Variants in BMP5 observed in about 807,000 individuals in gnomAD.
BMP5 encodes bone morphogenetic protein 5.
A neutral mutation model predicts 46.6 loss-of-function variants in BMP5; 23 were observed. The observed-to-expected ratio is 0.49, with a 90% confidence interval of 0.35 to 0.70. The LOEUF (loss-of-function observed/expected upper bound fraction) is 0.70. BMP5 is among the 30% of genes least tolerant of loss of function. The pLI, the probability that BMP5 is intolerant of heterozygous loss-of-function variation, is 0.00. For missense variants in BMP5, 545 were observed against 565.6 expected, an observed-to-expected ratio of 0.96 and a Z score of 0.37; for synonymous variants, 204 against 191.9, an observed-to-expected ratio of 1.06 and a Z score of -0.52.
intron 1 of BMP5, 49 bp from the exon 2 acceptor site, chr6:55,819,896 A>G: frequency 7.0e-7 from 1 of 1,431,250 alleles, no homozygotes; most frequent in Non-Finnish European, 9.8e-7. Context: ...TCTTTTATAA[A>G]ATATGGAAAT....
At chr6:55,837,301 A>T (rs1433491914) in intron 1 of BMP5, among the ~76,000 whole-genome samples, 1 of 151,878 alleles carries the variant, frequency 6.6e-6, no homozygotes. Flanking sequence ...CAGTGAAAGA[A>T]AAAAATGACT....
chr6:55,793,229 ATCACCACAG>A (rs1775617259), intron 3 of BMP5, among the ~76,000 whole-genome samples: 1 of 152,146 alleles, frequency 6.6e-6, no homozygotes. Context: ...CAGTATCACC[ATCACCACAG>A]TCTGCAAATT....
chr6:55,859,178 C>G (rs1309477127), intron 1 of BMP5, among the ~76,000 whole-genome samples: 3 of 152,094 alleles, frequency 2.0e-5, no homozygotes, highest in Non-Finnish European at 4.4e-5. Context: ...AGTGATTTAG[C>G]AGTGATATTG....
intron 3 of BMP5, among the ~76,000 whole-genome samples, chr6:55,777,048 T>C (rs1249222305): frequency 6.6e-6 from 1 of 151,932 alleles, no homozygotes; most frequent in East Asian, 1.9e-4. Flanking sequence ...TTCCTCTTGG[T>C]TTCCTTTTTA....
intron 1 of BMP5, among the ~76,000 whole-genome samples, chr6:55,825,054 G>A (rs534845008): frequency 6.6e-6 from 1 of 151,726 alleles, no homozygotes; most frequent in African/African-American, 2.4e-5. Flanking sequence ...TCAACATAGG[G>A]TTGTTTATTT....
At chr6:55,764,463 C>T (rs1042581177) in intron 4 of BMP5, among the ~76,000 whole-genome samples, 2 of 151,764 alleles carry the variant, frequency 1.3e-5, no homozygotes, top group Non-Finnish European at 2.9e-5. Context: ...GTCCCAGCTA[C>T]TCAGGAGGCT....
intron 3 of BMP5, among the ~76,000 whole-genome samples, chr6:55,780,471 A>AAAAG: frequency 9.5e-6 from 1 of 105,670 alleles, no homozygotes; most frequent in South Asian, 3.4e-4. Context: ...AAAAAAAAAA[A>AAAAG]AAGAAAGAAA....
At chr6:55,762,271 G>C (rs6938541) in intron 4 of BMP5, among the ~76,000 whole-genome samples, 60,787 of 151,804 alleles carry the variant, frequency 0.4, 12,603 homozygotes, top group Middle Eastern at 0.58. Flanking sequence ...TTGTTTTACA[G>C]TTTTTGTTAA....
At position 55,756,869 on chromosome 6, in the gene BMP5, C is replaced by T. The variant is rs186300336; in HGVS notation, c.1216-1187G>A. On this transcript the variant is annotated intron_variant, in intron 6 of 6. Coordinates refer to ENST00000370830, the MANE Select transcript of BMP5 (RefSeq NM_021073.4). ...TGTTTCAATGGCCTTGGCAGCCTAA[C>T]GGAAAAAAAATGGATTGTTCTTGAA... Among the ~76,000 whole-genome samples, 8 of 151,742 alleles carry T rather than the reference C, an allele frequency of 5.3e-5. No homozygotes were observed. In the East Asian group the frequency reaches 1.2e-3, roughly 22 times the overall value.
At chr6:55,860,594 G>GA (rs1313443659) in intron 1 of BMP5, among the ~76,000 whole-genome samples, 2 of 152,190 alleles carry the variant, frequency 1.3e-5, no homozygotes, top group African/African-American at 4.8e-5. Flanking sequence ...TAAAGAGAGA[G>GA]AGAGAGAGAA....
intron 4 of BMP5, among the ~76,000 whole-genome samples, chr6:55,767,965 C>G (rs1167009548): frequency 2.6e-5 from 4 of 151,752 alleles, no homozygotes; most frequent in Non-Finnish European, 5.9e-5. Context: ...TACATTCTCT[C>G]AAAAGAGATG....
intron 2 of BMP5, among the ~76,000 whole-genome samples, chr6:55,817,314 A>G (rs1776297183): frequency 1.3e-5 from 2 of 152,200 alleles, no homozygotes; most frequent in Non-Finnish European, 2.9e-5. Flanking sequence ...TGTTTATTGC[A>G]GCACTATTCA....
At chr6:55,794,555 C>A (rs1775659605) in intron 2 of BMP5, 128 bp from the exon 3 acceptor site, 1 of 845,156 alleles carries the variant, frequency 1.2e-6, no homozygotes, top group Non-Finnish European at 1.9e-6. Context: ...ACAAGAGGAA[C>A]AAGTGACTCA....
chr6:55,816,983 C>A (rs1316662417), intron 2 of BMP5, among the ~76,000 whole-genome samples: 2 of 152,070 alleles, frequency 1.3e-5, no homozygotes, highest in Non-Finnish European at 2.9e-5. Flanking sequence ...ATGCAGCCAA[C>A]AGACACATGA....
chr6:55,771,184 T>C lies in BMP5; in HGVS notation c.1027+2865A>G, dbSNP rs1775038998. 1.3e-5 allele frequency among the ~76,000 whole-genome samples: 2 copies of C among 151,942 alleles called. 1 individual carries two copies. The highest frequency in any genetic ancestry group is 4.1e-4 in the South Asian group (2 of 4,830). On this transcript the variant is annotated intron_variant, in intron 4 of 6. Transcript: ENST00000370830. ...AACATGGTATGCCTGTACTCTATTC[T>C]TTTCAACACTGAATATACTCCTTCA...
At chr6:55,790,958 C>A (rs1775562139) in intron 3 of BMP5, among the ~76,000 whole-genome samples, 1 of 152,082 alleles carries the variant, frequency 6.6e-6, no homozygotes, top group Admixed American at 6.5e-5. Context: ...CTTTTGTAAC[C>A]CGCTACCTTG....
chr6:55,822,234 A>G (rs940594230), intron 1 of BMP5, among the ~76,000 whole-genome samples: 2 of 152,180 alleles, frequency 1.3e-5, no homozygotes, highest in African/African-American at 4.8e-5. Flanking sequence ...TTTTGTTAAC[A>G]TAGACCTAAA....
At chr6:55,778,310 G>A (rs898939666) in intron 3 of BMP5, among the ~76,000 whole-genome samples, 1 of 151,962 alleles carries the variant, frequency 6.6e-6, no homozygotes, top group African/African-American at 2.4e-5. Flanking sequence ...CACACAAATG[G>A]GAGGGAAGAA....
At chr6:55,871,173 T>C (rs1164223681) in intron 1 of BMP5, among the ~76,000 whole-genome samples, 1 of 151,824 alleles carries the variant, frequency 6.6e-6, no homozygotes, top group East Asian at 1.9e-4. Context: ...TACTGGTATT[T>C]AATACATATA....
Sources: gnomAD v4.1 joint callset for allele counts (sites outside exome capture counted in the v4.1 genomes callset) on GRCh38, gnomAD v4.1.1 for gene constraint, MANE v1.5 for transcripts, NCBI Gene and HGNC (gene_info 2026-07-23, HGNC 2026-07-21) for gene names.